Variants in MOCOS observed in about 807,000 individuals in gnomAD.
MOCOS encodes the protein molybdenum cofactor sulfurase, also known as human molybdenum cofactor sulfurase.
A neutral mutation model predicts 83.6 loss-of-function variants in MOCOS; 86 were observed. The ratio of observed to expected loss-of-function variants is 1.03; its 90% CI spans 0.86 to 1.23. The LOEUF (loss-of-function observed/expected upper bound fraction) is 1.23. Ranked by LOEUF, MOCOS falls within the 50% of genes most tolerant of loss-of-function variation. The pLI, the probability that MOCOS is intolerant of heterozygous loss-of-function variation, is 0.00. For missense variants in MOCOS, 1,120 were observed against 1,126.9 expected (o/e 0.99, Z 0.09); for synonymous variants, 445 against 434.7 (o/e 1.02, Z -0.29).
At chr18:36,188,422 C>T (rs1014679175) in intron 1 of MOCOS, among the ~76,000 whole-genome samples, 1 of 152,226 alleles carries the variant, frequency 6.6e-6, no homozygotes, top group Non-Finnish European at 1.5e-5. Context: ...AAATCAAGCT[C>T]CATCTGGCCT....
intron 9 of MOCOS, among the ~76,000 whole-genome samples, chr18:36,239,297 G>A (rs1047778301): frequency 6.0e-5 from 9 of 150,690 alleles, no homozygotes; most frequent in East Asian, 2.0e-4. Flanking sequence ...CATGTTTAGC[G>A]CTTCCTTCAG....
chr18:36,234,043 C>T (rs2091548687), intron 9 of MOCOS, among the ~76,000 whole-genome samples: 1 of 151,972 alleles, frequency 6.6e-6, no homozygotes, highest in Admixed American at 6.6e-5. Flanking sequence ...AAATTAGGTC[C>T]CATCTATTTA....
At chr18:36,230,582 T>G (rs2091534228) in intron 9 of MOCOS, among the ~76,000 whole-genome samples, 1 of 152,210 alleles carries the variant, frequency 6.6e-6, no homozygotes, top group Non-Finnish European at 1.5e-5. Flanking sequence ...AGATGCTACC[T>G]CCATTCTCTT....
intron 13 of MOCOS, among the ~76,000 whole-genome samples, chr18:36,262,496 T>C (rs1208486445): frequency 1.3e-5 from 2 of 151,922 alleles, no homozygotes; most frequent in Non-Finnish European, 2.9e-5. Context: ...ATATGGTTAA[T>C]ACTGCACCTT....
intron 5 of MOCOS, among the ~76,000 whole-genome samples, chr18:36,204,273 T>TC (rs577454878): frequency 1.1e-3 from 169 of 152,272 alleles, no homozygotes; most frequent in African/African-American, 3.9e-3. Context: ...TACTTTTTTT[T>TC]CTCTGTGGAT....
intron 6 of MOCOS, among the ~76,000 whole-genome samples, chr18:36,212,643 C>A (rs184459176): frequency 6.6e-6 from 1 of 152,156 alleles, no homozygotes; most frequent in African/African-American, 2.4e-5. Context: ...TGAAGACTGC[C>A]GTGGTCTTGA....
rs369956345 is a variant in MOCOS at position 36,233,950 on chromosome 18, C to T, written c.1960+13733C>T. Among the ~76,000 whole-genome samples the T allele has an allele frequency of 4.6e-4, 70 of 152,138 alleles. 1 individual carries two copies. Among genetic ancestry groups the T allele is most frequent in the African/African-American group, 1.5e-3 (63 of 41,530 alleles). On this transcript the variant is annotated intron_variant, in intron 9 of 14. Transcript: ENST00000261326. Reference sequence around the variant, plus strand: ...CTGGATATTAGTCCTTCGTCAGATGCGTGGTTTGCAAATATTCTCTCTCAC... The same window carrying T: ...CTGGATATTAGTCCTTCGTCAGATGTGTGGTTTGCAAATATTCTCTCTCAC...
intron 6 of MOCOS, among the ~76,000 whole-genome samples, chr18:36,206,185 C>T (rs924776537): frequency 2.6e-5 from 4 of 151,150 alleles, no homozygotes; most frequent in African/African-American, 9.7e-5. Flanking sequence ...AGAGAGGAAG[C>T]AAGAGAGAGG....
chr18:36,192,256 G>T (rs185721451), intron 1 of MOCOS, among the ~76,000 whole-genome samples: 25 of 152,174 alleles, frequency 1.6e-4, no homozygotes, highest in African/African-American at 5.8e-4. Flanking sequence ...AACAAATTTA[G>T]CCAAGTGGTA....
At position 36,257,019 on chromosome 18, in the gene MOCOS, A is replaced by G. The variant is rs775026763; in HGVS notation, c.2216A>G (p.Tyr739Cys). 1.2e-6 allele frequency: 2 copies of G among 1,614,194 alleles called. No individual in the cohort carries two copies. Among genetic ancestry groups the G allele is most frequent in the Admixed American group, 1.7e-5 (1 of 60,026 alleles). Residue 739 changes from tyrosine to cysteine, a missense_variant, in exon 12 of 15, where the codon TAT becomes TGT. Physicochemically the swap from Tyr to Cys is radical, Grantham distance 194 (BLOSUM62 -2). Transcript: ENST00000261326. Reference sequence around the variant, plus strand: ...CTTTCTCTGGTGAATGAGGCACAGTATCTGCTGATCAACACATCCAGTATT... The same window carrying G: ...CTTTCTCTGGTGAATGAGGCACAGTGTCTGCTGATCAACACATCCAGTATT... ...ATLSLVNEAQ[Y>C]LLINTSSILE...
At position 36,215,919 on chromosome 18, in the gene MOCOS, G is replaced by A. The variant is rs2091474988; in HGVS notation, c.1739G>A (p.Gly580Glu). ...GCAGGAGTCCTGGAGGGGGCCCTTG[G>A]GCCACATGTTGTCACTAACCTTTAT... is the stretch of plus-strand genomic sequence containing the variant. ...KAAGVLEGAL[G>E]PHVVTNLYLY... Residue 580 changes from glycine (G) to glutamate (E), a missense_variant, in exon 8 of 15, where the codon GGG becomes GAG. Gly to Glu is a moderately conservative substitution (Grantham distance 98, BLOSUM62 -2). Coordinates refer to ENST00000261326, the MANE Select transcript of MOCOS (RefSeq NM_017947.4). 1.2e-6 allele frequency: 2 copies of A among 1,613,576 alleles called. No individual in the cohort carries two copies. Among genetic ancestry groups the A allele is most frequent in the Non-Finnish European group, 1.7e-6 (2 of 1,179,722 alleles).
chr18:36,198,169 C>T (rs191045523), intron 2 of MOCOS, among the ~76,000 whole-genome samples: 3 of 152,272 alleles, frequency 2.0e-5, no homozygotes, highest in East Asian at 1.9e-4. Context: ...AGGAAGATTG[C>T]TTGAACCTAA....
chr18:36,255,930 T>C (rs938279473), intron 11 of MOCOS, among the ~76,000 whole-genome samples: 8 of 151,094 alleles, frequency 5.3e-5, no homozygotes, highest in African/African-American at 1.7e-4. Flanking sequence ...TTCACTCTTA[T>C]TGCTCAGACT....
intron 13 of MOCOS, among the ~76,000 whole-genome samples, chr18:36,264,880 CAAAATA>C (rs976521560): frequency 1.3e-4 from 20 of 152,020 alleles, no homozygotes; most frequent in African/African-American, 4.8e-4. Context: ...AAAACAAAAA[CAAAATA>C]AAATTTAAAA....
intron 2 of MOCOS, among the ~76,000 whole-genome samples, chr18:36,198,128 C>G (rs1450182225): frequency 6.6e-6 from 1 of 152,172 alleles, no homozygotes; most frequent in African/African-American, 2.4e-5. Flanking sequence ...TGGCTCATGC[C>G]TGCAATCCTA....
In MOCOS at chr18:36,270,590, G is replaced by A; in HGVS notation, c.*1905G>A. On this transcript the variant is annotated 3_prime_UTR_variant, in exon 15 of 15. Coordinates refer to ENST00000261326, the MANE Select transcript of MOCOS (RefSeq NM_017947.4). ...TAGCTGGGCATGGTGGCATGCACCT[G>A]TAGTCCCAGCTACTTGGGAGGCTGA... The A allele has an allele frequency of 6.6e-6, 1 of 151,978 alleles. No individual in the cohort carries two copies. The allele number at this position is 151,978 out of a possible 1,614,324, so 9.4% of individuals were successfully genotyped here. A position where few individuals can be genotyped will look rare whatever the true frequency, so the allele number is the denominator to read the frequency against.
At chr18:36,190,487 A>C (rs796626754) in intron 1 of MOCOS, among the ~76,000 whole-genome samples, 33 of 152,194 alleles carry the variant, frequency 2.2e-4, no homozygotes, top group African/African-American at 7.2e-4. Context: ...TGGTGGCTCA[A>C]GCCTGTAATC....
chr18:36,194,027 AAGTC>A (rs1491004368), intron 1 of MOCOS, among the ~76,000 whole-genome samples: 3 of 152,226 alleles, frequency 2.0e-5, no homozygotes, highest in African/African-American at 7.2e-5. Flanking sequence ...TAAATTAAAG[AAGTC>A]AGACACTAAA....
chr18:36,196,383 T>G (rs2144897210), intron 2 of MOCOS, among the ~76,000 whole-genome samples: 1 of 152,100 alleles, frequency 6.6e-6, no homozygotes. Flanking sequence ...GGTGAAGAAA[T>G]GGGGCCCCAG....
Sources: gnomAD v4.1 joint callset for allele counts (sites outside exome capture counted in the v4.1 genomes callset) on GRCh38, gnomAD v4.1.1 for gene constraint, MANE v1.5 for transcripts, NCBI Gene and HGNC (gene_info 2026-07-23, HGNC 2026-07-21) for gene names.